POMK: variants seen among roughly 807,000 people sequenced by gnomAD.
POMK encodes protein O-mannose kinase, also known as Sugen kinase 196.
POMK carries 19 observed loss-of-function variants against 23.0 expected under a neutral mutation model. The ratio of observed to expected loss-of-function variants is 0.83; its 90% CI spans 0.58 to 1.21. The LOEUF (loss-of-function observed/expected upper bound fraction) is 1.21. Among genes scored for constraint, POMK ranks in the 50% most tolerant of loss-of-function variants. The pLI is 0.00. For synonymous variants in POMK, 173 were observed against 171.6 expected (o/e 1.01, Z -0.06); for missense variants, 410 against 431.3 (o/e 0.95, Z 0.44).
At chr8:43,100,756 G>C (rs752506206) in intron 2 of POMK, among the ~76,000 whole-genome samples, 2 of 152,058 alleles carry the variant, frequency 1.3e-5, no homozygotes, top group Non-Finnish European at 2.9e-5. Context: ...TGCTAGCGGG[G>C]ATGAGGATTG....
intron 4 of POMK, among the ~76,000 whole-genome samples, chr8:43,111,143 C>T (rs949554432): frequency 2.0e-5 from 3 of 152,134 alleles, no homozygotes; most frequent in African/African-American, 2.4e-5. Context: ...ACCCGGGAAG[C>T]GTAAGGAGTC....
At chr8:43,121,086 A>C (rs540646166) in intron 4 of POMK, among the ~76,000 whole-genome samples, 1 of 152,358 alleles carries the variant, frequency 6.6e-6, no homozygotes, top group East Asian at 1.9e-4. Flanking sequence ...AAATAATGTC[A>C]GATTTTTATT....
chr8:43,094,554 C>A (rs1270021751), intron 1 of POMK, among the ~76,000 whole-genome samples: 6 of 152,034 alleles, frequency 3.9e-5, no homozygotes. Flanking sequence ...TTGTCTTTGC[C>A]ACCCTTTGCC....
rs555624457 is a variant in POMK, at chr8:43,096,315, T to TG, written c.-209-1203dup. Reference sequence around the variant, plus strand: ...TTTGGACTTGATCCTGTGGGCCGAGTGGGGGGCTGTTGAATGTTAAGCAAG... The same window carrying TG: ...TTTGGACTTGATCCTGTGGGCCGAGTGGGGGGGCTGTTGAATGTTAAGCAAG... On this transcript the variant is annotated intron_variant, in intron 1 of 4. Coordinates refer to ENST00000331373, the MANE Select transcript of POMK (RefSeq NM_032237.5). Among the ~76,000 whole-genome samples the TG allele has an allele frequency of 7.2e-5, 11 of 151,924 alleles. No homozygotes were observed. The East Asian group carries it at 2.1e-3, about 29-fold the overall frequency.
At chr8:43,104,480 A>G (rs1019160770) in intron 4 of POMK, among the ~76,000 whole-genome samples, 29 of 152,218 alleles carry the variant, frequency 1.9e-4, no homozygotes, top group African/African-American at 6.8e-4. Context: ...AACTTTTAGA[A>G]TAGTTCATTA....
intron 4 of POMK, among the ~76,000 whole-genome samples, chr8:43,113,999 G>A (rs1243369004): frequency 3.3e-5 from 5 of 152,214 alleles, no homozygotes; most frequent in Non-Finnish European, 7.3e-5. Context: ...ACCCGGCCCC[G>A]TGAGGTGTCA....
intron 4 of POMK, among the ~76,000 whole-genome samples, chr8:43,116,874 G>T (rs1209749613): frequency 1.3e-5 from 2 of 152,200 alleles, no homozygotes; most frequent in Non-Finnish European, 2.9e-5. Flanking sequence ...TCACCTGGGT[G>T]CAGGCGGGCT....
Position 43,103,807 on chromosome 8 carries a change from G to A in POMK, c.259G>A (p.Val87Ile). ...AACAGAAGTGAGACAGCTGAAGCGT[G>A]TTGGGGAAGGAGCTGTAAAGAGAGT... ...LRTEVRQLKR[V>I]GEGAVKRVFL... The change falls in exon 4 of 5, where the codon GTT (valine) becomes ATT (isoleucine). Residue 87 changes from valine to isoleucine, a missense_variant. Physicochemically the swap from Val to Ile is conservative, Grantham distance 29. Coordinates refer to ENST00000331373, the MANE Select transcript of POMK (RefSeq NM_032237.5). 2 of 1,614,240 alleles carry A rather than the reference G, an allele frequency of 1.2e-6. No individual in the cohort carries two copies. Among genetic ancestry groups the A allele is most frequent in the South Asian group, 1.1e-5 (1 of 91,088 alleles).
At chr8:43,104,805 A>T (rs1246718586) in intron 4 of POMK, among the ~76,000 whole-genome samples, 1 of 152,058 alleles carries the variant, frequency 6.6e-6, no homozygotes, top group Admixed American at 6.6e-5. Flanking sequence ...TTAGCCTGGC[A>T]TAATGGTGCG....
At chr8:43,103,891 C>G in intron 4 of POMK, 61 bp downstream of exon 4, 1 of 1,516,318 alleles carries the variant, frequency 6.6e-7, no homozygotes, top group Non-Finnish European at 9.1e-7. Context: ...ACAGTGTCCT[C>G]CAGCTCCATC....
chr8:43,123,084 T>A lies in POMK; in HGVS notation c.*207T>A. 3.7e-6 allele frequency: 2 copies of A among 535,842 alleles called. No individual in the cohort carries two copies. The highest frequency in any genetic ancestry group is 2.3e-5 in the South Asian group (1 of 43,276). 33.2% of individuals were successfully genotyped at this position (535,842 alleles called of 1,614,324 possible). A position where few individuals can be genotyped will look rare whatever the true frequency, so the allele number is the denominator to read the frequency against. On this transcript the variant is annotated 3_prime_UTR_variant, in exon 5 of 5. Transcript: ENST00000331373. ...TTTTTTTTTTTTCTTTGAGATGCGG[T>A]CTTGCTCTGTTGCTGAGGCTGGAGT...
At chr8:43,117,622 T>C (rs931459666) in intron 4 of POMK, among the ~76,000 whole-genome samples, 5 of 152,178 alleles carry the variant, frequency 3.3e-5, no homozygotes, top group Non-Finnish European at 7.3e-5. Context: ...GAAAATTGGA[T>C]AAAGGACAGT....
intron 3 of POMK, among the ~76,000 whole-genome samples, chr8:43,103,315 C>G (rs1811480248): frequency 6.6e-6 from 1 of 152,150 alleles, no homozygotes; most frequent in African/African-American, 2.4e-5. Context: ...CTAGAGGAAC[C>G]CGCATTTTAG....
intron 1 of POMK, among the ~76,000 whole-genome samples, chr8:43,097,046 G>T (rs978578072): frequency 6.6e-6 from 1 of 152,178 alleles, no homozygotes; most frequent in African/African-American, 2.4e-5. Flanking sequence ...CTTGAGTCTA[G>T]CCTGGGCAAC....
At chr8:43,099,242 A>G (rs1169179226) in intron 2 of POMK, among the ~76,000 whole-genome samples, 3 of 152,172 alleles carry the variant, frequency 2.0e-5, no homozygotes, top group Non-Finnish European at 2.9e-5. Context: ...TGAGCCACCA[A>G]TGCCTGACCC....
At position 43,122,903 on chromosome 8, in the gene POMK, G is replaced by C. The variant is rs1811953788; in HGVS notation, c.*26G>C. 1 of 1,572,384 alleles carries C rather than the reference G, an allele frequency of 6.4e-7. No individual in the cohort carries two copies. Among genetic ancestry groups the C allele is most frequent in the Non-Finnish European group, 8.6e-7 (1 of 1,162,216 alleles). ...AAACCAGTCCAGCCAATGAAGGTGG[G>C]ATTGAAGGGCTGAATGGAAGTTACA... On this transcript the variant is annotated 3_prime_UTR_variant, in exon 5 of 5. Coordinates refer to ENST00000331373, the MANE Select transcript of POMK (RefSeq NM_032237.5).
At chr8:43,116,718 A>G (rs920306826) in intron 4 of POMK, among the ~76,000 whole-genome samples, 2 of 152,226 alleles carry the variant, frequency 1.3e-5, no homozygotes, top group Non-Finnish European at 2.9e-5. Context: ...AAACTTAACA[A>G]CTAAAAGCCT....
At chr8:43,114,109 C>G (rs535706881) in intron 4 of POMK, among the ~76,000 whole-genome samples, 2 of 152,178 alleles carry the variant, frequency 1.3e-5, no homozygotes, top group African/African-American at 4.8e-5. Flanking sequence ...TCTCCAGCTG[C>G]GTGCTGGGAG....
At chr8:43,103,423 C>A in intron 3 of POMK, 105 bp from the exon 4 acceptor site, 2 of 1,047,408 alleles carry the variant, frequency 1.9e-6, no homozygotes, top group South Asian at 2.9e-5. Flanking sequence ...GGTAACGCTG[C>A]AGCTTACAGG....
Sources: allele counts gnomAD v4.1 joint callset (sites outside exome capture counted in the v4.1 genomes callset), GRCh38; gene constraint gnomAD v4.1.1; transcripts MANE v1.5; gene names NCBI Gene and HGNC (gene_info 2026-07-23, HGNC 2026-07-21).